The following KDM4C variants were observed in gnomAD, a reference collection of about 807,000 sequenced individuals.
The protein encoded by KDM4C is lysine-specific demethylase 4C.
In KDM4C, 81 loss-of-function variants were observed where a neutral mutation model predicts 129.3. The observed-to-expected ratio is 0.63, with a 90% confidence interval of 0.52 to 0.75. The LOEUF is 0.75. Among genes scored for constraint, KDM4C ranks in the 30% least tolerant of loss-of-function variants. The pLI is 0.00. For missense variants in KDM4C, 1,457 were observed against 1,304.0 expected (o/e 1.12, Z -1.81); for synonymous variants, 573 against 456.1 (o/e 1.26, Z -3.26).
intron 8 of KDM4C, among the ~76,000 whole-genome samples, chr9:6,895,792 TTA>T (rs1286971900): frequency 1.1e-4 from 16 of 152,226 alleles, no homozygotes; most frequent in Admixed American, 4.6e-4. Context: ...GTAACCAATT[TTA>T]GTTATTTTGC....
chr9:6,893,390 A>G, intron 8 of KDM4C, 158 bp downstream of exon 8: 1 of 468,506 alleles, frequency 2.1e-6, no homozygotes, highest in South Asian at 5.9e-5. Context: ...CATTTATTTT[A>G]CATAGCCAAT....
chr9:6,829,420 A>G (rs1389181100), intron 4 of KDM4C, among the ~76,000 whole-genome samples: 1 of 152,196 alleles, frequency 6.6e-6, no homozygotes, highest in African/African-American at 2.4e-5. Flanking sequence ...ACTAAAGGAG[A>G]AAGAACATGA....
intron 8 of KDM4C, among the ~76,000 whole-genome samples, chr9:6,907,100 A>T (rs1279157836): frequency 6.6e-6 from 1 of 152,208 alleles, no homozygotes; most frequent in African/African-American, 2.4e-5. Flanking sequence ...TTTTTAGAAA[A>T]ATCTCTGCTA....
rs139428546 is a variant in KDM4C at position 7,135,144 on chromosome 9, A to G, written c.2781+6908A>G. On this transcript the variant is annotated intron_variant, in intron 19 of 21. Transcript: ENST00000381309. ...CCAATTCTGTAGGCATCATAGCGACAGTTTCCACTCATCACTGGGGATCCT... is the reference window on the plus strand; with the variant it reads ...CCAATTCTGTAGGCATCATAGCGACGGTTTCCACTCATCACTGGGGATCCT... Among the ~76,000 whole-genome samples, 81 of 152,318 alleles carry G rather than the reference A, an allele frequency of 5.3e-4. 1 individual carries two copies. Among genetic ancestry groups the G allele is most frequent in the African/African-American group, 1.8e-3 (75 of 41,566 alleles).
At chr9:6,777,905 G>T (rs1207243463) in intron 1 of KDM4C, among the ~76,000 whole-genome samples, 1 of 150,052 alleles carries the variant, frequency 6.7e-6, no homozygotes, top group Non-Finnish European at 1.5e-5. Flanking sequence ...AAAACATACA[G>T]GTTTTCAGGC....
At chr9:7,111,196 T>C (rs939882890) in intron 18 of KDM4C, among the ~76,000 whole-genome samples, 1 of 152,180 alleles carries the variant, frequency 6.6e-6, no homozygotes, top group African/African-American at 2.4e-5. Context: ...TTTTCAGATA[T>C]TAACTTATTT....
At chr9:6,951,060 A>G (rs1217801255) in intron 8 of KDM4C, among the ~76,000 whole-genome samples, 7 of 152,038 alleles carry the variant, frequency 4.6e-5, no homozygotes, top group South Asian at 2.1e-4. Flanking sequence ...TAACTTGACA[A>G]TAATTGTACA....
At chr9:7,024,260 C>G (rs920813122) in intron 15 of KDM4C, among the ~76,000 whole-genome samples, 2 of 134,140 alleles carry the variant, frequency 1.5e-5, no homozygotes, top group Non-Finnish European at 3.2e-5. Flanking sequence ...GTATTGGAGT[C>G]TATCTCTCTT....
At chr9:6,936,902 A>G (rs1165261534) in intron 8 of KDM4C, among the ~76,000 whole-genome samples, 4 of 152,232 alleles carry the variant, frequency 2.6e-5, no homozygotes, top group Non-Finnish European at 5.9e-5. Context: ...ATTTTAGCAC[A>G]GTGCCTAGAA....
At chr9:6,877,241 C>T (rs78956706) in intron 5 of KDM4C, among the ~76,000 whole-genome samples, 2 of 152,218 alleles carry the variant, frequency 1.3e-5, no homozygotes, top group African/African-American at 4.8e-5. Context: ...TGCTCTGTCA[C>T]CCAGGCTGGA....
In KDM4C at chr9:6,720,948, G is replaced by C. The variant is rs574138236; in HGVS notation, c.-1G>C. 1.4e-5 allele frequency: 22 copies of C among 1,551,568 alleles called. No homozygotes were observed. The highest frequency in any genetic ancestry group is 5.5e-5 in the African/African-American group (4 of 73,166). On this transcript the variant is annotated 5_prime_UTR_variant, in exon 1 of 18. Coordinates refer to the KDM4C transcript ENST00000536108. ...ATGTGGAAGAGGCTAAAGGATGTTT[G>C]ATGAAGCACTATGGGCTGCCCTGGA...
In KDM4C at chr9:6,817,196, C is replaced by CCG. The variant is rs1491193867; in HGVS notation, c.435+2452_435+2453insGC. 3.0e-4 allele frequency among the ~76,000 whole-genome samples: 6 copies of CCG among 20,042 alleles called. 1 individual carries two copies. The highest frequency in any genetic ancestry group is 8.4e-4 in the African/African-American group (6 of 7,132). 13.1% of individuals were successfully genotyped at this position (20,042 alleles called of 152,430 possible). Reference sequence around the variant, plus strand: ...GAAAGAAGATTGGCCCCTCCCCCTGCCCCCCCCCCCACTTTTTTTTTTTTT... The same window carrying CCG: ...GAAAGAAGATTGGCCCCTCCCCCTGCCGCCCCCCCCCCACTTTTTTTTTTTTT... On this transcript the variant is annotated intron_variant, in intron 4 of 21. Transcript: ENST00000381309.
intron 1 of KDM4C, among the ~76,000 whole-genome samples, chr9:6,772,433 C>T (rs1214057377): frequency 6.6e-6 from 1 of 152,100 alleles, no homozygotes; most frequent in Non-Finnish European, 1.5e-5. Context: ...ACGATCTTGG[C>T]TCACCGCAAC....
intron 1 of KDM4C, among the ~76,000 whole-genome samples, chr9:6,782,631 G>A (rs1824612143): frequency 6.6e-6 from 1 of 152,148 alleles, no homozygotes. Flanking sequence ...GGAACATCGA[G>A]TGGTTTAAAG....
chr9:6,798,827 C>G (rs62567976), intron 2 of KDM4C, among the ~76,000 whole-genome samples: 4 of 151,280 alleles, frequency 2.6e-5, no homozygotes, highest in Admixed American at 2.0e-4. Context: ...CGGGCAGAGG[C>G]GCCCCTCACT....
chr9:6,808,032 G>A (rs1370530494), intron 3 of KDM4C, among the ~76,000 whole-genome samples: 86 of 112,290 alleles, frequency 7.7e-4, no homozygotes, highest in African/African-American at 2.4e-3. Context: ...CCCCGTCCGG[G>A]AGGTGAGGGG....
intron 8 of KDM4C, among the ~76,000 whole-genome samples, chr9:6,961,557 A>G (rs1274931810): frequency 6.6e-6 from 1 of 152,236 alleles, no homozygotes; most frequent in Admixed American, 6.5e-5. Context: ...ATTTATACAT[A>G]GCATAATTCA....
intron 8 of KDM4C, among the ~76,000 whole-genome samples, chr9:6,939,119 G>A (rs1389212942): frequency 2.0e-5 from 3 of 151,582 alleles, no homozygotes; most frequent in Non-Finnish European, 4.4e-5. Context: ...CCAGTGGCCT[G>A]TTAGGAACTG....
chr9:7,090,538 T>G (rs1183889396), intron 17 of KDM4C, among the ~76,000 whole-genome samples: 1 of 152,222 alleles, frequency 6.6e-6, no homozygotes, highest in Non-Finnish European at 1.5e-5. Flanking sequence ...ACTTTTAATT[T>G]GGTCAGGTTT....
Sources: allele counts gnomAD v4.1 joint callset (sites outside exome capture counted in the v4.1 genomes callset), GRCh38; gene constraint gnomAD v4.1.1; transcripts MANE v1.5; gene names NCBI Gene and HGNC (gene_info 2026-07-23, HGNC 2026-07-21).